Variants in AKAP14 observed in about 807,000 individuals in gnomAD.
AKAP14 encodes A-kinase anchoring protein 14.
AKAP14 carries 4 observed loss-of-function variants against 17.0 expected under a neutral mutation model. The ratio of observed to expected loss-of-function variants is 0.23; its 90% CI spans 0.12 to 0.54. The LOEUF (loss-of-function observed/expected upper bound fraction) is 0.54, where lower values mean the gene tolerates loss of function less well. Ranked by LOEUF, AKAP14 falls within the 20% of genes least tolerant of loss-of-function variation. AKAP14 has a pLI of 0.95. For missense variants in AKAP14, 129 were observed against 150.9 expected, an observed-to-expected ratio of 0.85 and a Z score of 0.76; for synonymous variants, 42 against 51.3, an observed-to-expected ratio of 0.82 and a Z score of 0.77.
rs1326868011 is a variant in AKAP14 at position 119,916,876 on chromosome X, C to G, written c.441+1998C>G. On this transcript the variant is annotated intron_variant, in intron 5 of 6. Transcript: ENST00000371431. ...TAATCCCAGCACTTTGGGAGGCTTA[C>G]GCGGGCAGATCATGAGGTCAGGAGT... Among the ~76,000 whole-genome samples the G allele has an allele frequency of 3.1e-5, 3 of 97,749 alleles. No individual in the cohort carries two copies. The Admixed American group carries it at 3.2e-4, about 11-fold the overall frequency. 84.9% of individuals were successfully genotyped at this position (97,749 alleles called of 115,157 possible).
At chrX:119,896,532 A>T (rs2147823996) in intron 2 of AKAP14, among the ~76,000 whole-genome samples, 1 of 108,426 alleles carries the variant, frequency 9.2e-6, no homozygotes, top group South Asian at 4.0e-4. Flanking sequence ...TGCCAGTGGG[A>T]GGGAGGCTTA....
chrX:119,901,335 A>C (rs1361256323), intron 2 of AKAP14, among the ~76,000 whole-genome samples: 1 of 112,161 alleles, frequency 8.9e-6, no homozygotes, highest in East Asian at 2.8e-4. Context: ...ATAATTGTAT[A>C]CTGTACTGGA....
Position 119,908,300 on chromosome X carries a change from A to AAAAAAG in AKAP14, c.261+4716_261+4717insAAAGAA, listed in dbSNP as rs567352217. On this transcript the variant is annotated intron_variant, in intron 4 of 6. Transcript: ENST00000371431. ...AGACTCTGTCAAAAAAAAAAAAAAA[A>AAAAAAG]AAGAAGGATGGTATAGGATGGTATA... 2.4e-3 allele frequency among the ~76,000 whole-genome samples: 248 copies of AAAAAAG among 103,476 alleles called. 5 individuals are homozygous for AAAAAAG. The highest frequency in any genetic ancestry group is 5.3e-3 in the African/African-American group (150 of 28,498). 89.9% of individuals were successfully genotyped at this position (103,476 alleles called of 115,157 possible).
chrX:119,909,084 T>C (rs887388223), intron 4 of AKAP14, among the ~76,000 whole-genome samples: 4 of 111,491 alleles, frequency 3.6e-5, no homozygotes, highest in African/African-American at 1.3e-4. Context: ...AAGGGCTGCA[T>C]TAGATTATCT....
chrX:119,909,816 C>A (rs904670142), intron 4 of AKAP14, among the ~76,000 whole-genome samples: 12 of 107,565 alleles, frequency 1.1e-4, no homozygotes, highest in African/African-American at 4.1e-4. Flanking sequence ...ACCCAGGAGG[C>A]GGAGGTTGCA....
chrX:119,913,265 A>C (rs141362915), intron 4 of AKAP14, among the ~76,000 whole-genome samples: 4,622 of 112,040 alleles, frequency 0.041, 86 homozygotes, highest in East Asian at 0.12. Flanking sequence ...TGCCTCCCTG[A>C]ACTTATTTTA....
intron 4 of AKAP14, among the ~76,000 whole-genome samples, chrX:119,910,405 T>G (rs936133522): frequency 3.6e-5 from 4 of 111,640 alleles, no homozygotes; most frequent in Admixed American, 9.6e-5. Flanking sequence ...TCTGTGAACC[T>G]TCATCTTAAT....
Position 119,920,498 on chromosome X carries a change from T to G in AKAP14, c.495-10T>G. 1 of 1,186,639 alleles carries G rather than the reference T, an allele frequency of 8.4e-7. No homozygotes were observed. Among genetic ancestry groups the G allele is most frequent in the Non-Finnish European group, 1.1e-6 (1 of 876,215 alleles). ...ATACTTTAAAAGTGTTTGTTTTTCT[T>G]CCTTTGTAGACCAGGAATGGTTCGC... On this transcript the variant is annotated splice_polypyrimidine_tract_variant and intron_variant, in intron 6 of 6. Coordinates refer to ENST00000371431, the MANE Select transcript of AKAP14 (RefSeq NM_178813.6).
At chrX:119,902,018 T>TCAAA (rs201439791) in intron 2 of AKAP14, among the ~76,000 whole-genome samples, 2,816 of 107,824 alleles carry the variant, frequency 0.026, 119 homozygotes, top group African/African-American at 0.089. Flanking sequence ...AAACTCTGAC[T>TCAAA]CAAACAAACA....
At chrX:119,913,072 G>A (rs969169639) in intron 4 of AKAP14, among the ~76,000 whole-genome samples, 2 of 108,542 alleles carry the variant, frequency 1.8e-5, no homozygotes, top group African/African-American at 6.7e-5. Flanking sequence ...CGGATTGCTC[G>A]AGCCCAGGAG....
Position 119,914,931 on chromosome X carries a change from C to G in AKAP14, c.441+53C>G, listed in dbSNP as rs946899448. ...GAGGCTTCAGTGAGAATGGAGACTT[C>G]TCTTGTCAAGGTCATCAATAACCCC... On this transcript the variant is annotated intron_variant, in intron 5 of 6. Transcript: ENST00000371431. 4.5e-6 allele frequency: 5 copies of G among 1,109,249 alleles called. No homozygotes were observed. The East Asian group carries it at 1.5e-4, about 33-fold the overall frequency. 91.4% of individuals were successfully genotyped at this position (1,109,249 alleles called of 1,213,427 possible).
rs757431512 is a variant in AKAP14 at position 119,917,225 on chromosome X, C to A, written c.441+2347C>A. 1.8e-4 allele frequency among the ~76,000 whole-genome samples: 20 copies of A among 111,808 alleles called. No individual in the cohort carries two copies. The South Asian group carries it at 7.5e-3, about 42-fold the overall frequency. ...GGGCATGGTAGCTCATGCCTGTAATCCCAGCACTTTGGGAGGCCGAGGTGG... is the reference window on the plus strand; with the variant it reads ...GGGCATGGTAGCTCATGCCTGTAATACCAGCACTTTGGGAGGCCGAGGTGG... On this transcript the variant is annotated intron_variant, in intron 5 of 6. Transcript: ENST00000371431.
chrX:119,911,399 C>T (rs752566580), intron 4 of AKAP14, among the ~76,000 whole-genome samples: 5 of 108,951 alleles, frequency 4.6e-5, no homozygotes, highest in Admixed American at 9.9e-5. Context: ...GAGACTACAA[C>T]GCAGACAGTT....
intron 4 of AKAP14, among the ~76,000 whole-genome samples, chrX:119,907,775 A>C (rs1203569239): frequency 8.9e-6 from 1 of 111,798 alleles, no homozygotes; most frequent in African/African-American, 3.2e-5. Context: ...GGTGTGAGCC[A>C]CTGCACCCAG....
intron 6 of AKAP14, 74 bp from the exon 7 acceptor site, chrX:119,920,434 A>T: frequency 1.2e-6 from 1 of 840,386 alleles, no homozygotes. Flanking sequence ...GTAAATAGGG[A>T]ATCCCCTTTG....
chrX:119,910,812 A>G (rs2428240), intron 4 of AKAP14, among the ~76,000 whole-genome samples: 46,832 of 107,038 alleles, frequency 0.44, 7,882 homozygotes, highest in East Asian at 0.61. Context: ...ACAGGCATGC[A>G]CCACCACGCT....
intron 4 of AKAP14, among the ~76,000 whole-genome samples, chrX:119,907,129 AT>A (rs200883865): frequency 0.026 from 2,533 of 98,494 alleles, 28 homozygotes; most frequent in Non-Finnish European, 0.037. Context: ...TGTCTGTCTG[AT>A]TTTTTTTTTT....
At chrX:119,917,699 G>A (rs913166778) in intron 5 of AKAP14, among the ~76,000 whole-genome samples, 1 of 111,886 alleles carries the variant, frequency 8.9e-6, no homozygotes, top group African/African-American at 3.2e-5. Context: ...AGAATGGCTT[G>A]AACCCAGGAG....
At chrX:119,918,071 G>C (rs2056669203) in intron 5 of AKAP14, among the ~76,000 whole-genome samples, 1 of 111,981 alleles carries the variant, frequency 8.9e-6, no homozygotes, top group African/African-American at 3.2e-5. Flanking sequence ...GTCAGGTATA[G>C]TCCTGCCTCA....
Sources: allele counts gnomAD v4.1 joint callset (sites outside exome capture counted in the v4.1 genomes callset), GRCh38; gene constraint gnomAD v4.1.1; transcripts MANE v1.5; gene names NCBI Gene and HGNC (gene_info 2026-07-23, HGNC 2026-07-21).